PHF20: variants seen among roughly 807,000 people sequenced by gnomAD.
PHF20 encodes glioma-expressed antigen 2.
In PHF20, 23 loss-of-function variants were observed where a neutral mutation model predicts 113.5. The observed-to-expected ratio is 0.20, with a 90% CI of 0.15 to 0.29. The LOEUF is 0.29. Among genes scored for constraint, PHF20 ranks in the 10% least tolerant of loss-of-function variants. The pLI is 1.00. For missense variants in PHF20, 943 were observed against 1,219.6 expected, an observed-to-expected ratio of 0.77 and a Z score of 3.38; for synonymous variants, 434 against 457.3, an observed-to-expected ratio of 0.95 and a Z score of 0.65.
chr20:35,875,142 A>C (rs548701820), intron 9 of PHF20, among the ~76,000 whole-genome samples: 144 of 152,038 alleles, frequency 9.5e-4, no homozygotes, highest in African/African-American at 3.4e-3. Flanking sequence ...TCACGCCTGT[A>C]ATCCCAGCAC....
chr20:35,821,527 T>C (rs886763381), intron 2 of PHF20, among the ~76,000 whole-genome samples: 1 of 143,564 alleles, frequency 7.0e-6, no homozygotes, highest in Non-Finnish European at 1.5e-5. Context: ...GGCATGGTGG[T>C]GTGTACCCGT....
chr20:35,938,420 G>A (rs150276863), intron 15 of PHF20, among the ~76,000 whole-genome samples: 1 of 152,260 alleles, frequency 6.6e-6, no homozygotes, highest in East Asian at 1.9e-4. Context: ...TAGGAATGAT[G>A]CTGGTTGAGT....
At chr20:35,882,443 G>A (rs2054652424) in intron 9 of PHF20, among the ~76,000 whole-genome samples, 1 of 152,190 alleles carries the variant, frequency 6.6e-6, no homozygotes, top group Non-Finnish European at 1.5e-5. Flanking sequence ...TCATTTATTT[G>A]TTTGAGAAGG....
chr20:35,777,061 GTTC>G (rs1569111777), intron 1 of PHF20, among the ~76,000 whole-genome samples: 2 of 152,148 alleles, frequency 1.3e-5, no homozygotes, highest in South Asian at 2.1e-4. Context: ...CAACTTCAGC[GTTC>G]TTCTTGCTTC....
chr20:35,857,109 T>C (rs1285128673), intron 4 of PHF20, among the ~76,000 whole-genome samples: 1 of 152,108 alleles, frequency 6.6e-6, no homozygotes, highest in East Asian at 1.9e-4. Context: ...GAATTGGTTC[T>C]AAAAAGAGAA....
chr20:35,785,407 C>T (rs189622115), intron 1 of PHF20, among the ~76,000 whole-genome samples: 5 of 152,166 alleles, frequency 3.3e-5, no homozygotes, highest in Admixed American at 6.5e-5. Context: ...GCAACCTCTG[C>T]CTCCTGGGTT....
intron 1 of PHF20, among the ~76,000 whole-genome samples, 170 bp downstream of exon 1, chr20:35,772,249 G>GGA (rs1600709740): frequency 6.6e-6 from 1 of 151,838 alleles, no homozygotes; most frequent in African/African-American, 2.4e-5. Context: ...GGAGGCCCTG[G>GGA]GACTGCTGCT....
chr20:35,885,303 G>A (rs78445949), intron 9 of PHF20, among the ~76,000 whole-genome samples: 2,345 of 151,940 alleles, frequency 0.015, 29 homozygotes, highest in Non-Finnish European at 0.023. Flanking sequence ...TTCTAATAAT[G>A]TTCTTTGTGG....
rs554432717 is a variant in PHF20 at position 35,789,961 on chromosome 20, TCTC to T, written c.-32-11527_-32-11525del. Among the ~76,000 whole-genome samples, 22 of 150,962 alleles carry T rather than the reference TCTC, an allele frequency of 1.5e-4. 1 individual carries two copies. Among genetic ancestry groups the T allele is most frequent in the Admixed American group, 4.0e-4 (6 of 14,976 alleles). ...CCTCCGCCTCCCGGGTTCAGGCAAT[TCTC>T]CTGCCTCAGCCTCCTGAGTAGCTGG... On this transcript the variant is annotated intron_variant, in intron 1 of 17. Coordinates refer to ENST00000374012, the MANE Select transcript of PHF20 (RefSeq NM_016436.5).
At chr20:35,854,140 A>C (rs1304990370) in intron 4 of PHF20, among the ~76,000 whole-genome samples, 1 of 152,228 alleles carries the variant, frequency 6.6e-6, no homozygotes, top group Admixed American at 6.5e-5. Context: ...TGTCCAATCC[A>C]AAATCACCCA....
At chr20:35,898,751 C>T (rs2055037902) in intron 9 of PHF20, among the ~76,000 whole-genome samples, 1 of 152,212 alleles carries the variant, frequency 6.6e-6, no homozygotes, top group African/African-American at 2.4e-5. Flanking sequence ...GCTGGGATTA[C>T]AGGCACCTGC....
rs78748258 is a variant in PHF20 at position 35,832,293 on chromosome 20, A to C, written c.84-10280A>C. Among the ~76,000 whole-genome samples, 896 of 151,754 alleles carry C rather than the reference A, an allele frequency of 5.9e-3. 5 individuals carry two copies. Among genetic ancestry groups the C allele is most frequent in the Middle Eastern group, 0.024 (7 of 294 alleles). ...CTCCCCTTTTGCACCTCTGTATCTT[A>C]CTCTACCTTAAGGAGTCCTCTGTTG... On this transcript the variant is annotated intron_variant, in intron 2 of 17. Coordinates refer to ENST00000374012, the MANE Select transcript of PHF20 (RefSeq NM_016436.5).
chr20:35,814,872 C>CA (rs761940820), intron 2 of PHF20, among the ~76,000 whole-genome samples: 854 of 52,058 alleles, frequency 0.016, 8 homozygotes, highest in Middle Eastern at 0.051. Context: ...GACTCCGTCT[C>CA]AAAAAAAAAA....
At chr20:35,919,664 G>A (rs958340041) in intron 13 of PHF20, among the ~76,000 whole-genome samples, 3 of 152,028 alleles carry the variant, frequency 2.0e-5, no homozygotes, top group Non-Finnish European at 2.9e-5. Context: ...TGAATTTGTT[G>A]TCTTTATACT....
intron 2 of PHF20, among the ~76,000 whole-genome samples, chr20:35,814,884 A>T (rs1241420827): frequency 2.1e-5 from 3 of 144,706 alleles, no homozygotes; most frequent in Admixed American, 6.8e-5. Context: ...AAAAAAAAAA[A>T]AAAAAATAAA....
At chr20:35,908,546 T>C (rs537396097) in intron 10 of PHF20, among the ~76,000 whole-genome samples, 1 of 152,282 alleles carries the variant, frequency 6.6e-6, no homozygotes, top group Admixed American at 6.5e-5. Context: ...TAGTTGGAGG[T>C]CACTAAAACC....
At chr20:35,919,504 T>C (rs1221459767) in intron 13 of PHF20, among the ~76,000 whole-genome samples, 1 of 152,220 alleles carries the variant, frequency 6.6e-6, no homozygotes, top group East Asian at 1.9e-4. Flanking sequence ...CATGCCCGGC[T>C]AATTTTTGTA....
intron 9 of PHF20, among the ~76,000 whole-genome samples, chr20:35,886,480 A>G (rs548647546): frequency 9.2e-5 from 14 of 152,296 alleles, no homozygotes; most frequent in African/African-American, 3.1e-4. Flanking sequence ...TTATTCCTTC[A>G]TAGACATGAA....
At chr20:35,825,931 C>T (rs1294704691) in intron 2 of PHF20, among the ~76,000 whole-genome samples, 1 of 152,142 alleles carries the variant, frequency 6.6e-6, no homozygotes, top group Non-Finnish European at 1.5e-5. Context: ...CTTCTATAGC[C>T]ACCACCCAAA....
Sources: allele counts gnomAD v4.1 joint callset (sites outside exome capture counted in the v4.1 genomes callset), GRCh38; gene constraint gnomAD v4.1.1; transcripts MANE v1.5; gene names NCBI Gene and HGNC (gene_info 2026-07-23, HGNC 2026-07-21).